FHIP1B: variants seen among roughly 807,000 people sequenced by gnomAD.
FHIP1B encodes FHF complex subunit HOOK interacting protein 1B.
A neutral mutation model predicts 82.2 loss-of-function variants in FHIP1B; 28 were observed. The observed-to-expected ratio is 0.34, with a 90% CI of 0.25 to 0.47. FHIP1B has a LOEUF of 0.47. Among genes scored for constraint, FHIP1B ranks in the 20% least tolerant of loss-of-function variants. FHIP1B has a pLI of 1.00. For missense variants in FHIP1B, 1,110 were observed against 1,262.6 expected (o/e 0.88, Z 1.83); for synonymous variants, 585 against 516.1 (o/e 1.13, Z -1.81).
At position 6,218,026 on chromosome 11, in the gene FHIP1B, G is replaced by A; in HGVS notation, c.1560C>T (p.Ala520=). ...ATGCAGAAAGCCCTGGTGAGCAAGG[G>A]GCTGGGCCTGGAGACTCAGAGCCAC... The part of the protein sequence containing the change: ...SLGGSESPGP[A]PCSPGLSASP... The change falls in exon 9 of 12, where the codon GCC becomes GCT. Residue 520 remains alanine, a synonymous_variant. Coordinates refer to ENST00000449352, the MANE Select transcript of FHIP1B (RefSeq NM_001098794.2). The A allele has an allele frequency of 1.2e-6, 2 of 1,613,534 alleles. No individual in the cohort carries two copies. Among genetic ancestry groups the A allele is most frequent in the Non-Finnish European group, 8.5e-7 (1 of 1,179,780 alleles).
At position 6,223,881 on chromosome 11, in the gene FHIP1B, C is replaced by A; in HGVS notation, c.506G>T (p.Ser169Ile). 6.2e-7 allele frequency: 1 copy of A among 1,614,212 alleles called. No homozygotes were observed. The highest frequency in any genetic ancestry group is 8.5e-7 in the Non-Finnish European group (1 of 1,180,022). Reference sequence around the variant, plus strand: ...CACCAAGCCTTCATCCAGTGCTGGGCTACTGGGCACAGGGCGGCCACAGGC... The same window carrying A: ...CACCAAGCCTTCATCCAGTGCTGGGATACTGGGCACAGGGCGGCCACAGGC... Reference protein sequence around the residue: ...LDACGRPVPSSPALDEGLVLL... With the variant: ...LDACGRPVPSIPALDEGLVLL... Residue 169 changes from serine (S) to isoleucine (I), a missense_variant, in exon 3 of 12, where the codon AGC becomes ATC. Coordinates refer to ENST00000449352, the MANE Select transcript of FHIP1B (RefSeq NM_001098794.2). This position sits in a 1 kb window ranked among gnomAD's most constrained non-coding sequence, Gnocchi z 4.8.
Position 6,219,065 on chromosome 11 carries a change from G to T in FHIP1B, c.1192-15C>A, listed in dbSNP as rs201559383. On this transcript the variant is annotated splice_polypyrimidine_tract_variant and intron_variant, in intron 6 of 11. Coordinates refer to ENST00000449352, the MANE Select transcript of FHIP1B (RefSeq NM_001098794.2). ...ACCATGCAGAGCTGGGGGGGTGGAG[G>T]GGAGGGAGGGAGTCACCATAAGAGC... 6.3e-7 allele frequency: 1 copy of T among 1,584,404 alleles called. No individual in the cohort carries two copies. The highest frequency in any genetic ancestry group is 1.7e-5 in the Admixed American group (1 of 59,030).
At chr11:6,215,080 G>A (rs1847189035) in intron 9 of FHIP1B, 169 bp from the exon 10 acceptor site, 3 of 581,468 alleles carry the variant, frequency 5.2e-6, no homozygotes, top group African/African-American at 1.9e-5. Context: ...AAATAAGATG[G>A]CAGACACCAT....
intron 6 of FHIP1B, among the ~76,000 whole-genome samples, chr11:6,221,927 G>A (rs1197701860): frequency 6.6e-6 from 1 of 152,158 alleles, no homozygotes; most frequent in African/African-American, 2.4e-5. Flanking sequence ...GGCACACAGT[G>A]AACATTCAGT....
chr11:6,214,868 C>T lies in FHIP1B; in HGVS notation c.2259G>A (p.Leu753=), dbSNP rs1311143667. 6.2e-7 allele frequency: 1 copy of T among 1,608,092 alleles called. No homozygotes were observed. Among genetic ancestry groups the T allele is most frequent in the Non-Finnish European group, 8.5e-7 (1 of 1,176,992 alleles). The change falls in exon 10 of 12, where the codon CTG becomes CTA. Residue 753 remains leucine (L), a synonymous_variant. Transcript: ENST00000449352. The part of the protein sequence containing the change: ...AVLFAKLENM[L]QNSVYVNFLL... ...GGAAGTTGACATAGACGGAGTTCTG[C>T]AGCATGTTCTCGAGTTTGGCAAAGA... is the stretch of plus-strand genomic sequence containing the variant.
chr11:6,214,236 A>G (rs1286298199), intron 11 of FHIP1B, among the ~76,000 whole-genome samples, 175 bp downstream of exon 11: 2 of 152,164 alleles, frequency 1.3e-5, no homozygotes, highest in Middle Eastern at 3.2e-3. Flanking sequence ...GGCTCTTAAT[A>G]GATAGAACTA....
intron 10 of FHIP1B, 33 bp downstream of exon 10, chr11:6,214,700 C>A (rs1001342580): frequency 1.3e-6 from 2 of 1,548,530 alleles, no homozygotes; most frequent in Admixed American, 3.8e-5. Flanking sequence ...ACCACGGAGC[C>A]TGGACGCACC....
chr11:6,223,976 T>C lies in FHIP1B; in HGVS notation c.411A>G (p.Leu137=). Reference sequence around the variant, plus strand: ...ACAGTGGCTGGCGAGCTTCGCTCACTAGCATTTCAAATAGTTTCAGTTGCT... The same window carrying C: ...ACAGTGGCTGGCGAGCTTCGCTCACCAGCATTTCAAATAGTTTCAGTTGCT... ...RAEQLKLFEM[L]VSEARQPLLR... Residue 137 remains leucine (L), a synonymous_variant, in exon 3 of 12, where the codon CTA becomes CTG. Coordinates refer to ENST00000449352, the MANE Select transcript of FHIP1B (RefSeq NM_001098794.2). The surrounding 1 kb of genome is among the most constrained non-coding windows in gnomAD (Gnocchi z 4.8). The C allele has an allele frequency of 6.2e-7, 1 of 1,614,128 alleles. No individual in the cohort carries two copies. The highest frequency in any genetic ancestry group is 1.6e-4 in the Middle Eastern group (1 of 6,062).
chr11:6,222,921 G>C (rs1338248236), intron 4 of FHIP1B, 24 bp from the exon 5 acceptor site: 6 of 1,611,396 alleles, frequency 3.7e-6, no homozygotes. Flanking sequence ...AGAGAGAAGG[G>C]GGAGGGTTAT....
At position 6,218,664 on chromosome 11, in the gene FHIP1B, G is replaced by A. The variant is rs761121887; in HGVS notation, c.1371C>T (p.Ile457=). Residue 457 remains isoleucine (I), a synonymous_variant, in exon 8 of 12, where the codon ATC becomes ATT. Coordinates refer to ENST00000449352, the MANE Select transcript of FHIP1B (RefSeq NM_001098794.2). The part of the protein sequence containing the change: ...GRAADKFLSL[I]PRCCRHHAPS... ...GGGCGTGGTGCCGACAACAGCGTGGGATTAGGGAGAGAAACTTGTCAGCTG... is the reference window on the plus strand; with the variant it reads ...GGGCGTGGTGCCGACAACAGCGTGGAATTAGGGAGAGAAACTTGTCAGCTG... The A allele has an allele frequency of 6.2e-7, 1 of 1,614,170 alleles. No homozygotes were observed. Among genetic ancestry groups the A allele is most frequent in the South Asian group, 1.1e-5 (1 of 91,088 alleles).
intron 1 of FHIP1B, among the ~76,000 whole-genome samples, chr11:6,225,754 T>C (rs539222811): frequency 8.5e-4 from 130 of 152,290 alleles, no homozygotes; most frequent in Non-Finnish European, 1.6e-3. Context: ...CCTAGAAACC[T>C]ACCCAGTGAC....
Position 6,211,568 on chromosome 11 carries a change from A to G in FHIP1B, c.2857T>C (p.Leu953=). The G allele has an allele frequency of 6.2e-7, 1 of 1,614,080 alleles. No individual in the cohort carries two copies. The highest frequency in any genetic ancestry group is 2.2e-5 in the East Asian group (1 of 44,880). The part of the protein sequence containing the change: ...QAHAVTSPFL[L]ETSEEGSGPL... ...CCAGATCCTTCCTCTGAAGTCTCCA[A>G]CAAGAAAGGCGAGGTGACGGCATGA... Residue 953 remains leucine, a synonymous_variant, in exon 12 of 12, where the codon TTG becomes CTG. Transcript: ENST00000449352.
At chr11:6,218,369 C>T (rs761052079) in intron 8 of FHIP1B, among the ~76,000 whole-genome samples, 13 of 152,140 alleles carry the variant, frequency 8.5e-5, no homozygotes, top group South Asian at 2.1e-4. Context: ...GAAGAGTACA[C>T]GACTAGAGAG....
Position 6,217,476 on chromosome 11 carries a change from C to T in FHIP1B, c.2110G>A (p.Glu704Lys). 1 of 1,613,732 alleles carries T rather than the reference C, an allele frequency of 6.2e-7. No individual in the cohort carries two copies. The highest frequency in any genetic ancestry group is 8.5e-7 in the Non-Finnish European group (1 of 1,179,804). The change falls in exon 9 of 12, where the codon GAG (glutamate) becomes AAG (lysine). Residue 704 changes from glutamate to lysine, a missense_variant. Glu to Lys is a moderately conservative substitution (Grantham distance 56). Transcript: ENST00000449352. ...SPLEPPLPLE[E>K]EEAYESFTCP... ...GTGAAGCTCTCGTAGGCCTCCTCCT[C>T]CTCAAGGGGCAGTGGAGGTTCTAAG...
intron 1 of FHIP1B, among the ~76,000 whole-genome samples, chr11:6,228,697 TGGG>T (rs1373557418): frequency 6.6e-6 from 1 of 151,990 alleles, no homozygotes; most frequent in African/African-American, 2.4e-5. Context: ...ACTAGAAGAA[TGGG>T]GGTGAGAGAG....
At chr11:6,215,383 A>G in intron 9 of FHIP1B, 1 of 152,646 alleles carries the variant, frequency 6.6e-6, no homozygotes, top group Non-Finnish European at 1.5e-5. Context: ...TTGTTTTTAT[A>G]AAAGATTCAC....
At chr11:6,225,020 T>C (rs973640010) in intron 1 of FHIP1B, among the ~76,000 whole-genome samples, 1 of 152,230 alleles carries the variant, frequency 6.6e-6, no homozygotes, top group African/African-American at 2.4e-5. Context: ...CATCTCTACC[T>C]TCAAAATATG....
At chr11:6,212,073 G>GAAA in intron 11 of FHIP1B, 1 of 614,786 alleles carries the variant, frequency 1.6e-6, no homozygotes, top group Non-Finnish European at 2.0e-6. Flanking sequence ...AGTAGAGTGA[G>GAAA]GAGTTCTTTC....
At position 6,214,073 on chromosome 11, in the gene FHIP1B, C is replaced by T. The variant is rs1439780885; in HGVS notation, c.2557+338G>A. ...AAAAAAAAAAAAAAAAGATTCCCCACTCCTTTGCCTACCTAAGTCCTACCC... is the reference window on the plus strand; with the variant it reads ...AAAAAAAAAAAAAAAAGATTCCCCATTCCTTTGCCTACCTAAGTCCTACCC... On this transcript the variant is annotated intron_variant, in intron 11 of 11. Coordinates refer to ENST00000449352, the MANE Select transcript of FHIP1B (RefSeq NM_001098794.2). Among the ~76,000 whole-genome samples the T allele has an allele frequency of 2.1e-4, 31 of 144,924 alleles. 1 individual carries two copies. Among genetic ancestry groups the T allele is most frequent in the Non-Finnish European group, 4.4e-4 (29 of 66,028 alleles).
Sources: allele counts gnomAD v4.1 joint callset (sites outside exome capture counted in the v4.1 genomes callset), GRCh38; gene constraint gnomAD v4.1.1; non-coding constraint Gnocchi (gnomAD v3.1); transcripts MANE v1.5; gene names NCBI Gene and HGNC (gene_info 2026-07-23, HGNC 2026-07-21).